The following TMTC1 variants were observed in gnomAD, a reference collection of about 807,000 sequenced individuals.
The protein encoded by TMTC1 is protein O-mannosyl-transferase TMTC1.
Under a neutral mutation model 104.8 loss-of-function variants are expected in TMTC1, and 73 were observed. The ratio of observed to expected loss-of-function variants is 0.70; its 90% CI spans 0.58 to 0.85. The LOEUF (loss-of-function observed/expected upper bound fraction) is 0.85, where lower values mean the gene tolerates loss of function less well. Among genes scored for constraint, TMTC1 ranks in the 40% least tolerant of loss-of-function variants. The pLI is 0.00. For missense variants in TMTC1, 1,035 were observed against 1,096.1 expected, an observed-to-expected ratio of 0.94 and a Z score of 0.79; for synonymous variants, 434 against 428.7, an observed-to-expected ratio of 1.01 and a Z score of -0.15.
chr12:29,700,688 C>T (rs928666263), intron 5 of TMTC1, among the ~76,000 whole-genome samples: 4 of 152,148 alleles, frequency 2.6e-5, no homozygotes, highest in African/African-American at 9.7e-5. Context: ...AAAGTGCTCA[C>T]TAAATTAAGT....
intron 5 of TMTC1, among the ~76,000 whole-genome samples, chr12:29,677,283 T>G (rs1438416469): frequency 6.6e-6 from 1 of 152,232 alleles, no homozygotes; most frequent in African/African-American, 2.4e-5. Flanking sequence ...GTGATTTTTT[T>G]GTTGTTGTTT....
At chr12:29,722,641 CG>C (rs1209320459) in intron 5 of TMTC1, among the ~76,000 whole-genome samples, 1 of 151,900 alleles carries the variant, frequency 6.6e-6, no homozygotes, top group Non-Finnish European at 1.5e-5. Flanking sequence ...AAGTTTAGGC[CG>C]GGCGCAGTGG....
chr12:29,645,375 T>C (rs1939221099), intron 5 of TMTC1, among the ~76,000 whole-genome samples: 1 of 152,208 alleles, frequency 6.6e-6, no homozygotes, highest in African/African-American at 2.4e-5. Flanking sequence ...TATGCCAGCT[T>C]ATTTTTTCTT....
At chr12:29,649,602 T>G (rs1369587377) in intron 5 of TMTC1, among the ~76,000 whole-genome samples, 2 of 152,248 alleles carry the variant, frequency 1.3e-5, no homozygotes, top group Non-Finnish European at 2.9e-5. Context: ...TATTTTGTCA[T>G]ATATGTAATT....
chr12:29,585,404 G>T (rs1230445253), intron 7 of TMTC1, among the ~76,000 whole-genome samples: 1 of 152,194 alleles, frequency 6.6e-6, no homozygotes, highest in African/African-American at 2.4e-5. Context: ...TGTTTACTCT[G>T]ATGGTAGTTT....
At chr12:29,779,692 T>C (rs1164003721) in intron 1 of TMTC1, among the ~76,000 whole-genome samples, 1 of 152,214 alleles carries the variant, frequency 6.6e-6, no homozygotes, top group Non-Finnish European at 1.5e-5. Flanking sequence ...ATAAAAAATA[T>C]GTTTGGAGTA....
chr12:29,523,772 G>A (rs1285024981), intron 11 of TMTC1, among the ~76,000 whole-genome samples: 1 of 151,956 alleles, frequency 6.6e-6, no homozygotes, highest in South Asian at 2.1e-4. Context: ...GTTTTTTGGA[G>A]GGCAGAAAGA....
chr12:29,640,628 G>C (rs537669955), intron 5 of TMTC1: 1 of 152,356 alleles, frequency 6.6e-6, no homozygotes, highest in East Asian at 1.9e-4. Context: ...AAGGCCCTGG[G>C]AGCTCGCGGG....
intron 5 of TMTC1, among the ~76,000 whole-genome samples, chr12:29,672,902 G>A (rs999357057): frequency 3.3e-5 from 5 of 152,134 alleles, no homozygotes; most frequent in African/African-American, 1.2e-4. Flanking sequence ...TAGAGAAAAA[G>A]AAAACTTTTC....
Position 29,668,454 on chromosome 12 carries a change from C to CTTTTTTTTTTTTTTTTTTTTT in TMTC1, c.939-35139_939-35119dup, listed in dbSNP as rs66652706. Among the ~76,000 whole-genome samples the CTTTTTTTTTTTTTTTTTTTTT allele has an allele frequency of 9.8e-4, 88 of 90,082 alleles. 7 individuals carry two copies. The highest frequency in any genetic ancestry group is 1.4e-3 in the Non-Finnish European group (70 of 48,734). The allele number at this position is 90,082 out of a possible 152,430, so 59.1% of individuals were successfully genotyped here. A position where few individuals can be genotyped will look rare whatever the true frequency, so the allele number is the denominator to read the frequency against. On this transcript the variant is annotated intron_variant, in intron 5 of 17. Transcript: ENST00000539277. ...CCACATTCAAACCATACCAACTTAT[C>CTTTTTTTTTTTTTTTTTTTTT]TTTTTTTTTTTTTTTTTTTTTTTTG...
chr12:29,544,490 A>C (rs1416133144), intron 10 of TMTC1, among the ~76,000 whole-genome samples: 3 of 152,098 alleles, frequency 2.0e-5, no homozygotes, highest in Non-Finnish European at 4.4e-5. Flanking sequence ...AGGAAATGTT[A>C]GTCCTGAGTT....
At chr12:29,516,511 T>C in intron 14 of TMTC1, 25 bp from the exon 15 acceptor site, 1 of 1,604,354 alleles carries the variant, frequency 6.2e-7, no homozygotes, top group Non-Finnish European at 8.5e-7. Context: ...GGACCTTGGC[T>C]TAGCAGAGAC....
intron 5 of TMTC1, among the ~76,000 whole-genome samples, chr12:29,719,743 C>G (rs959805120): frequency 6.6e-6 from 1 of 152,164 alleles, no homozygotes; most frequent in East Asian, 1.9e-4. Flanking sequence ...CTTTCATAGT[C>G]CTTTTACCTT....
intron 5 of TMTC1, chr12:29,658,396 G>A (rs898296860): frequency 6.6e-6 from 1 of 152,018 alleles, no homozygotes; most frequent in Non-Finnish European, 1.5e-5. Flanking sequence ...AATTCATAGG[G>A]GATAGGTTCC....
intron 5 of TMTC1, among the ~76,000 whole-genome samples, chr12:29,697,517 A>ATG (rs1442848836): frequency 6.6e-6 from 1 of 152,230 alleles, no homozygotes; most frequent in African/African-American, 2.4e-5. Context: ...CAAAGGATGT[A>ATG]TGTGTGTGTA....
At chr12:29,770,796 A>G (rs140045898) in intron 1 of TMTC1, among the ~76,000 whole-genome samples, 38 of 152,286 alleles carry the variant, frequency 2.5e-4, no homozygotes, top group African/African-American at 7.7e-4. Flanking sequence ...TTGAGACAAA[A>G]TGCTAACGAA....
chr12:29,674,252 T>C (rs1189925893), intron 5 of TMTC1, among the ~76,000 whole-genome samples: 2 of 152,118 alleles, frequency 1.3e-5, no homozygotes, highest in African/African-American at 4.8e-5. Context: ...GTCAAGATAA[T>C]TTCCACCTTA....
intron 5 of TMTC1, among the ~76,000 whole-genome samples, chr12:29,729,866 GA>G (rs1186090982): frequency 6.6e-6 from 1 of 152,164 alleles, no homozygotes; most frequent in Non-Finnish European, 1.5e-5. Flanking sequence ...TGCACTCTTG[GA>G]ATTCATCTTC....
At chr12:29,525,202 A>T (rs1944305120) in intron 11 of TMTC1, among the ~76,000 whole-genome samples, 2 of 60,094 alleles carry the variant, frequency 3.3e-5, no homozygotes, top group East Asian at 5.7e-4. Context: ...TTTTTTTTTG[A>T]GATGGAGTTT....
Sources: gnomAD v4.1 joint callset for allele counts (sites outside exome capture counted in the v4.1 genomes callset) on GRCh38, gnomAD v4.1.1 for gene constraint, MANE v1.5 for transcripts, NCBI Gene and HGNC (gene_info 2026-07-23, HGNC 2026-07-21) for gene names.